PLEKHA5: variants seen among roughly 807,000 people sequenced by gnomAD.
PLEKHA5 encodes pleckstrin homology domain-containing family A member 5.
A neutral mutation model predicts 181.9 loss-of-function variants in PLEKHA5; 55 were observed. The observed-to-expected ratio is 0.30, with a 90% CI of 0.24 to 0.38. The LOEUF (loss-of-function observed/expected upper bound fraction) is 0.38. PLEKHA5 is among the 10% of genes least tolerant of loss of function. PLEKHA5 has a pLI of 1.00. For missense variants in PLEKHA5, 1,432 were observed against 1,549.5 expected (o/e 0.92, Z 1.27); for synonymous variants, 535 against 529.4 (o/e 1.01, Z -0.15).
chr12:19,215,989 A>T (rs2057903331), intron 3 of PLEKHA5, among the ~76,000 whole-genome samples: 1 of 152,222 alleles, frequency 6.6e-6, no homozygotes, highest in Non-Finnish European at 1.5e-5. Flanking sequence ...ATAAGTTTAG[A>T]AGTAAAGAAA....
rs73345102 is a variant in PLEKHA5, at chr12:19,218,307, G to C, written c.228-35633G>C. On this transcript the variant is annotated intron_variant, in intron 3 of 31. Transcript: ENST00000429027. ...TTTGCACAAAATGTTTTCTCCTCCA[G>C]TGTTACATGAGAAAACGGAGTTATT... 6.7e-3 allele frequency among the ~76,000 whole-genome samples: 1,018 copies of C among 152,148 alleles called. 6 individuals are homozygous for C. Among genetic ancestry groups the C allele is most frequent in the Non-Finnish European group, 0.01 (713 of 67,990 alleles).
Position 19,283,307 on chromosome 12 carries a change from A to C in PLEKHA5, c.1341A>C (p.Arg447Ser). 1.2e-6 allele frequency: 2 copies of C among 1,611,538 alleles called. No individual in the cohort carries two copies. Among genetic ancestry groups the C allele is most frequent in the Non-Finnish European group, 1.7e-6 (2 of 1,178,728 alleles). ...TAATTTCTTACCAAACATTACCAAG[A>C]AATATGCCAAGTCACAGAGCCCAGA... ...RGVISYQTLP[R>S]NMPSHRAQIM... The change falls in exon 12 of 32, where the codon AGA becomes AGC. Residue 447 changes from arginine (R) to serine (S), a missense_variant. Around this residue, in one of 2 missense-constraint regions of PLEKHA5, gnomAD observed 1,143 missense variants for 1,168.4 expected, o/e 0.98. Coordinates refer to ENST00000429027, the MANE Select transcript of PLEKHA5 (RefSeq NM_001256470.2).
chr12:19,348,421 A>C lies in PLEKHA5; in HGVS notation c.2921A>C (p.Lys974Thr), dbSNP rs1172102057. Residue 974 changes from lysine (K) to threonine (T), a missense_variant, in exon 25 of 32, where the codon AAG becomes ACG. This residue lies in a region of PLEKHA5 where 1,143 missense variants were observed against 1,168.4 expected (regional missense o/e 0.98). Transcript: ENST00000429027. ...AAGGGTCCAGATTATAGACTCTACA[A>C]GAGTGAACCAGAGTTAACAACAGTG... Reference protein sequence around the residue: ...SHCGPDYRLYKSEPELTTVAE... With the variant: ...SHCGPDYRLYTSEPELTTVAE... 1 of 1,584,338 alleles carries C rather than the reference A, an allele frequency of 6.3e-7. No individual in the cohort carries two copies. Among genetic ancestry groups the C allele is most frequent in the Non-Finnish European group, 8.6e-7 (1 of 1,167,460 alleles).
chr12:19,285,024 T>G (rs2076933680), intron 12 of PLEKHA5, among the ~76,000 whole-genome samples: 2 of 152,264 alleles, frequency 1.3e-5, no homozygotes, highest in Admixed American at 6.5e-5. Flanking sequence ...GCTGCGTTAT[T>G]ACCTAAGCAT....
intron 3 of PLEKHA5, among the ~76,000 whole-genome samples, chr12:19,225,256 T>C (rs756012545): frequency 4.6e-5 from 7 of 152,162 alleles, no homozygotes; most frequent in African/African-American, 7.2e-5. Context: ...GGAGAGATGA[T>C]AAACCATTGC....
chr12:19,234,247 A>G (rs1424445274), intron 3 of PLEKHA5, among the ~76,000 whole-genome samples: 1 of 152,168 alleles, frequency 6.6e-6, no homozygotes, highest in Non-Finnish European at 1.5e-5. Flanking sequence ...TCCCCCAGGC[A>G]TTTAGCCATT....
Position 19,130,325 on chromosome 12 carries a change from G to T in PLEKHA5, c.169+195G>T, listed in dbSNP as rs946412131. Among the ~76,000 whole-genome samples the T allele has an allele frequency of 6.6e-6, 1 of 151,790 alleles. No homozygotes were observed. The highest frequency in any genetic ancestry group is 1.5e-5 in the Non-Finnish European group (1 of 67,884). ...CGGGAGTTCTCTCCAGTCTCGGGGCGCCTCTTTCTCCTCAGCCTTTCATCA... is the reference window on the plus strand; with the variant it reads ...CGGGAGTTCTCTCCAGTCTCGGGGCTCCTCTTTCTCCTCAGCCTTTCATCA... On this transcript the variant is annotated intron_variant, in intron 2 of 31. Coordinates refer to ENST00000429027, the MANE Select transcript of PLEKHA5 (RefSeq NM_001256470.2). This position sits in a 1 kb window ranked among gnomAD's most constrained non-coding sequence, Gnocchi z 4.5.
Position 19,314,837 on chromosome 12 carries a change from C to T in PLEKHA5, c.2061C>T (p.Ile687=), listed in dbSNP as rs2153002676. The change falls in exon 16 of 32, where the codon ATC becomes ATT. Residue 687 remains isoleucine, a synonymous_variant. Coordinates refer to ENST00000429027, the MANE Select transcript of PLEKHA5 (RefSeq NM_001256470.2). The part of the protein sequence containing the change: ...DHQMKENEPI[I]TMVHTMIENS... ...AGATGAAAGAAAATGAACCTATTAT[C>T]ACCATGGTTCACACAATGATTGAGA... is the stretch of plus-strand genomic sequence containing the variant. The T allele has an allele frequency of 1.3e-6, 2 of 1,545,164 alleles. No homozygotes were observed. Among genetic ancestry groups the T allele is most frequent in the East Asian group, 4.9e-5 (2 of 40,852 alleles).
intron 4 of PLEKHA5, among the ~76,000 whole-genome samples, chr12:19,254,752 G>A (rs2066379999): frequency 1.3e-5 from 2 of 152,194 alleles, no homozygotes; most frequent in Admixed American, 1.3e-4. Context: ...GAACCTGGGA[G>A]GCAGATTCTA....
Position 19,130,038 on chromosome 12 carries a change from C to T in PLEKHA5, c.90-13C>T, listed in dbSNP as rs1049236151. ...CTCACGCTCCGTGTCTGCCCCTTCT[C>T]TCACCCCTGCAGCGAGGAGGCCAAG... On this transcript the variant is annotated splice_polypyrimidine_tract_variant and intron_variant, in intron 1 of 31. Transcript: ENST00000429027. The surrounding 1 kb of genome is among the most constrained non-coding windows in gnomAD (Gnocchi z 4.5). 1 of 1,577,168 alleles carries T rather than the reference C, an allele frequency of 6.3e-7. No homozygotes were observed. The highest frequency in any genetic ancestry group is 2.4e-5 in the East Asian group (1 of 42,394).
At position 19,337,161 on chromosome 12, in the gene PLEKHA5, G is replaced by C. The variant is rs117071476; in HGVS notation, c.2550+545G>C. ...CACCACCAAGCCTTATTAGAATAGG[G>C]GAAGATACAGCACCATTTGCTATAA... On this transcript the variant is annotated intron_variant, in intron 21 of 31. Transcript: ENST00000429027. 1.1e-3 allele frequency among the ~76,000 whole-genome samples: 160 copies of C among 151,304 alleles called. 3 individuals carry two copies. In the East Asian group the frequency reaches 0.026, roughly 25 times the overall value.
intron 16 of PLEKHA5, 121 bp from the exon 17 acceptor site, chr12:19,319,900 C>T (rs1181872203): frequency 5.3e-6 from 3 of 570,764 alleles, no homozygotes; most frequent in Admixed American, 3.8e-5. Context: ...AACTAACACA[C>T]ATAAACTTTT....
At chr12:19,219,741 A>C (rs1257204983) in intron 3 of PLEKHA5, among the ~76,000 whole-genome samples, 2 of 152,038 alleles carry the variant, frequency 1.3e-5, no homozygotes, top group Non-Finnish European at 2.9e-5. Flanking sequence ...TATTCTCTGT[A>C]CCTAATGTAT....
At chr12:19,332,651 A>C (rs1344696584) in intron 20 of PLEKHA5, among the ~76,000 whole-genome samples, 6 of 152,080 alleles carry the variant, frequency 3.9e-5, no homozygotes, top group Admixed American at 3.9e-4. Context: ...CATTTAAACT[A>C]TAGGTGAGTT....
intron 11 of PLEKHA5, among the ~76,000 whole-genome samples, chr12:19,279,413 G>C (rs1160034739): frequency 6.6e-6 from 1 of 151,968 alleles, no homozygotes; most frequent in East Asian, 1.9e-4. Context: ...CTGTAATCCT[G>C]GCACTTTGGG....
At chr12:19,195,841 A>G (rs1396068861) in intron 3 of PLEKHA5, among the ~76,000 whole-genome samples, 1 of 152,108 alleles carries the variant, frequency 6.6e-6, no homozygotes, top group Non-Finnish European at 1.5e-5. Context: ...CAGTGCACAC[A>G]CTTCTACCTA....
At chr12:19,243,734 T>C (rs1312774599) in intron 3 of PLEKHA5, among the ~76,000 whole-genome samples, 4 of 152,110 alleles carry the variant, frequency 2.6e-5, no homozygotes, top group Non-Finnish European at 5.9e-5. Flanking sequence ...GAACTAAATG[T>C]GGGGAAAGGA....
chr12:19,330,423 G>A (rs972845932), intron 20 of PLEKHA5, among the ~76,000 whole-genome samples: 14 of 151,924 alleles, frequency 9.2e-5, no homozygotes, highest in African/African-American at 3.4e-4. Context: ...TCAAGTCGAG[G>A]CTAAGTGAAA....
At chr12:19,302,169 G>A (rs181938590) in intron 15 of PLEKHA5, among the ~76,000 whole-genome samples, 12 of 152,018 alleles carry the variant, frequency 7.9e-5, no homozygotes, top group Admixed American at 1.3e-4. Flanking sequence ...AATCTTTTCC[G>A]AAGAAGTCAT....
Sources: allele counts gnomAD v4.1 joint callset (sites outside exome capture counted in the v4.1 genomes callset), GRCh38; gene constraint gnomAD v4.1.1; regional missense constraint gnomAD v4.1.1; non-coding constraint Gnocchi (gnomAD v3.1); transcripts MANE v1.5; gene names NCBI Gene and HGNC (gene_info 2026-07-23, HGNC 2026-07-21).